IL12RB2: variants seen among roughly 807,000 people sequenced by gnomAD.
The protein encoded by IL12RB2 is interleukin 12 receptor subunit beta 2, also known as interleukin-12 receptor subunit beta-2.
A neutral mutation model predicts 89.4 loss-of-function variants in IL12RB2; 82 were observed. The ratio of observed to expected loss-of-function variants is 0.92; its 90% confidence interval spans 0.77 to 1.10. IL12RB2 has a LOEUF of 1.10. IL12RB2 is among the 50% of genes least tolerant of loss of function. The pLI, the probability that IL12RB2 is intolerant of heterozygous loss-of-function variation, is 0.00. For missense variants in IL12RB2, 963 were observed against 1,031.9 expected (o/e 0.93, Z 0.92); for synonymous variants, 368 against 370.1 (o/e 0.99, Z 0.07).
intron 10 of IL12RB2, among the ~76,000 whole-genome samples, chr1:67,360,950 A>G (rs1319856823): frequency 6.6e-6 from 1 of 152,080 alleles, no homozygotes; most frequent in South Asian, 2.1e-4. Flanking sequence ...CTGGCCTTCT[A>G]TGTGGAGGGA....
chr1:67,322,267 TAC>T (rs1248513385), intron 4 of IL12RB2, among the ~76,000 whole-genome samples: 2 of 152,146 alleles, frequency 1.3e-5, no homozygotes, highest in Non-Finnish European at 2.9e-5. Flanking sequence ...CCAGGATGAC[TAC>T]ACAGAGTTGA....
intron 10 of IL12RB2, among the ~76,000 whole-genome samples, chr1:67,359,468 T>C (rs1043722114): frequency 2.0e-5 from 3 of 152,198 alleles, no homozygotes; most frequent in Admixed American, 2.0e-4. Context: ...ACACCTGTAA[T>C]CCCAGCACTT....
chr1:67,346,128 G>A (rs1303398825), intron 9 of IL12RB2, among the ~76,000 whole-genome samples: 2 of 152,154 alleles, frequency 1.3e-5, no homozygotes, highest in South Asian at 2.1e-4. Flanking sequence ...ACCTGGGTTT[G>A]AGTTCCAGCT....
intron 4 of IL12RB2, among the ~76,000 whole-genome samples, 192 bp downstream of exon 4, chr1:67,322,081 GTCTCTCTC>G (rs35077887): frequency 1.3e-5 from 2 of 148,992 alleles, no homozygotes; most frequent in African/African-American, 4.9e-5. Context: ...TATTTGGCAA[GTCTCTCTC>G]TCTCTCTCTC....
In IL12RB2 at chr1:67,386,872, T is replaced by TTATATATATATATA. The variant is rs1179774666; in HGVS notation, c.1946+235_1946+248dup. Reference sequence around the variant, plus strand: ...AACAATCTCTAACTAGAAATGTATTTTATATATATATATATATATATATAT... The same window carrying TTATATATATATATA: ...AACAATCTCTAACTAGAAATGTATTTTATATATATATATATATATATATATATATATATATATAT... On this transcript the variant is annotated intron_variant, in intron 15 of 16. Transcript: ENST00000674203. Among the ~76,000 whole-genome samples the TTATATATATATATA allele has an allele frequency of 1.3e-3, 64 of 48,366 alleles. 1 individual carries two copies. The highest frequency in any genetic ancestry group is 2.0e-3 in the Non-Finnish European group (45 of 22,360). 31.7% of individuals were successfully genotyped at this position (48,366 alleles called of 152,430 possible). A position where few individuals can be genotyped will look rare whatever the true frequency, so the allele number is the denominator to read the frequency against.
intron 10 of IL12RB2, among the ~76,000 whole-genome samples, chr1:67,359,801 A>C (rs1403571986): frequency 2.6e-5 from 4 of 152,156 alleles, no homozygotes; most frequent in Non-Finnish European, 5.9e-5. Context: ...ATTCTGTCAT[A>C]ATAACAAGTA....
At chr1:67,351,586 C>A (rs1660849551) in intron 10 of IL12RB2, among the ~76,000 whole-genome samples, 1 of 152,140 alleles carries the variant, frequency 6.6e-6, no homozygotes, top group Admixed American at 6.6e-5. Flanking sequence ...TGCTTAAGCC[C>A]AGGAGTTCCA....
Position 67,365,454 on chromosome 1 carries a change from G to A in IL12RB2, c.1259-2371G>A, listed in dbSNP as rs544411962. ...ATTACCAATATCATAAATAAAAAGGGGCTATCATCACTGATCCCATGGACA... is the reference window on the plus strand; with the variant it reads ...ATTACCAATATCATAAATAAAAAGGAGCTATCATCACTGATCCCATGGACA... On this transcript the variant is annotated intron_variant, in intron 10 of 16. Coordinates refer to ENST00000674203, the MANE Select transcript of IL12RB2 (RefSeq NM_001374259.2). 3.9e-5 allele frequency among the ~76,000 whole-genome samples: 6 copies of A among 152,100 alleles called. No homozygotes were observed. In the East Asian group the frequency reaches 9.7e-4, roughly 24 times the overall value.
chr1:67,375,258 T>C (rs924067234), intron 13 of IL12RB2, among the ~76,000 whole-genome samples: 1 of 151,994 alleles, frequency 6.6e-6, no homozygotes, highest in Non-Finnish European at 1.5e-5. Context: ...TAGCCAGGCA[T>C]AGTGGTGTGT....
In IL12RB2 at chr1:67,351,114, T is replaced by C. The variant is rs1329016333; in HGVS notation, c.1258+25T>C. The C allele has an allele frequency of 1.2e-5, 20 of 1,610,362 alleles. No homozygotes were observed. The Admixed American group carries it at 3.3e-4, about 27-fold the overall frequency. The stretch of plus-strand genomic sequence containing the variant: ...GGTAAGTTCTAATTTTTCTTTAACA[T>C]TGCCTGTGGAAAACTGTGTCTTACT... On this transcript the variant is annotated intron_variant, in intron 10 of 16. Coordinates refer to ENST00000674203, the MANE Select transcript of IL12RB2 (RefSeq NM_001374259.2).
rs143024095 is a variant in IL12RB2, at chr1:67,393,118, G to A, written c.2047-2429G>A. Among the ~76,000 whole-genome samples the A allele has an allele frequency of 1.5e-3, 225 of 152,296 alleles. 1 individual carries two copies. Among genetic ancestry groups the A allele is most frequent in the African/African-American group, 5.2e-3 (217 of 41,544 alleles). ...AAAGGAAACTGCTCTCCAGGTGCTA[G>A]GCAGAGGCAGACAACAGAAACACAA... is the stretch of plus-strand genomic sequence containing the variant. On this transcript the variant is annotated intron_variant, in intron 16 of 16. Transcript: ENST00000674203.
chr1:67,311,256 G>C (rs1655018807), intron 1 of IL12RB2, among the ~76,000 whole-genome samples: 1 of 152,164 alleles, frequency 6.6e-6, no homozygotes, highest in Non-Finnish European at 1.5e-5. Context: ...GTAGCTTTGT[G>C]GGTTTAACAT....
intron 9 of IL12RB2, among the ~76,000 whole-genome samples, chr1:67,350,168 A>G (rs1660675809): frequency 6.6e-6 from 1 of 152,354 alleles, no homozygotes; most frequent in African/African-American, 2.4e-5. Flanking sequence ...ACAACTCTCC[A>G]TATTCTATGC....
chr1:67,376,334 C>T (rs1029492129), intron 13 of IL12RB2, among the ~76,000 whole-genome samples: 2 of 152,190 alleles, frequency 1.3e-5, no homozygotes, highest in Non-Finnish European at 1.5e-5. Context: ...TACCACTCTA[C>T]GCTTTGTGAA....
At chr1:67,354,224 A>T (rs908992825) in intron 10 of IL12RB2, among the ~76,000 whole-genome samples, 1 of 152,300 alleles carries the variant, frequency 6.6e-6, no homozygotes, top group African/African-American at 2.4e-5. Context: ...TACCAAGTAT[A>T]GAGAGACAAA....
intron 8 of IL12RB2, among the ~76,000 whole-genome samples, chr1:67,337,423 A>C (rs1212218515): frequency 6.6e-6 from 1 of 152,240 alleles, no homozygotes; most frequent in Non-Finnish European, 1.5e-5. Context: ...AGAGGAAACA[A>C]AATGACTTCA....
chr1:67,329,729 G>A lies in IL12RB2; in HGVS notation c.807G>A (p.Met269Ile), dbSNP rs764234305. The change falls in exon 7 of 17, where the codon ATG becomes ATA. Residue 269 changes from methionine to isoleucine, a missense_variant and splice_region_variant. Met to Ile is a conservative substitution (Grantham distance 10). Transcript: ENST00000674203. ...YRPSNSRLWN[M>I]VNVTKAKGRH... ...CCAGTAACAGCAGGCTCTGGAATAT[G>A]GTAATTATCTTTAGAGTGAAGGAAA... is the stretch of plus-strand genomic sequence containing the variant. 2 of 1,602,532 alleles carry A rather than the reference G, an allele frequency of 1.2e-6. No individual in the cohort carries two copies. The highest frequency in any genetic ancestry group is 1.7e-6 in the Non-Finnish European group (2 of 1,169,536).
At chr1:67,335,081 G>A (rs1371579428) in intron 8 of IL12RB2, among the ~76,000 whole-genome samples, 2 of 152,098 alleles carry the variant, frequency 1.3e-5, no homozygotes, top group Admixed American at 1.3e-4. Context: ...CACCTATCTT[G>A]GAAGGAAGGA....
intron 9 of IL12RB2, among the ~76,000 whole-genome samples, chr1:67,339,663 T>C (rs536881642): frequency 6.6e-6 from 1 of 152,264 alleles, no homozygotes; most frequent in South Asian, 2.1e-4. Flanking sequence ...TTTTATTTAA[T>C]CCTCACAAAA....
Sources: gnomAD v4.1 joint callset for allele counts (sites outside exome capture counted in the v4.1 genomes callset) on GRCh38, gnomAD v4.1.1 for gene constraint, MANE v1.5 for transcripts, NCBI Gene and HGNC (gene_info 2026-07-23, HGNC 2026-07-21) for gene names.